The following TBC1D21 variants were observed in gnomAD, a reference collection of about 807,000 sequenced individuals.
The protein encoded by TBC1D21 is male germ cell Rab GTPase-activating protein.
Under a neutral mutation model 46.0 loss-of-function variants are expected in TBC1D21, and 38 were observed. That is an observed-to-expected ratio of 0.83 (90% CI 0.64 to 1.08). The LOEUF (loss-of-function observed/expected upper bound fraction) is 1.08, where lower values mean the gene tolerates loss of function less well. Among genes scored for constraint, TBC1D21 ranks in the 50% least tolerant of loss-of-function variants. The pLI is 0.00. For missense variants in TBC1D21, 415 were observed against 417.9 expected, an observed-to-expected ratio of 0.99 and a Z score of 0.06; for synonymous variants, 151 against 157.2, an observed-to-expected ratio of 0.96 and a Z score of 0.29.
intron 6 of TBC1D21, 23 bp downstream of exon 6, chr15:73,885,126 G>A: frequency 6.2e-7 from 1 of 1,601,516 alleles, no homozygotes. Context: ...CCTGAGCTCA[G>A]GGACGCCCCT....
the TBC1D21 span, chr15:73,908,394 C>T: frequency 1.3e-5 from 2 of 152,338 alleles, no homozygotes; most frequent in African/African-American, 4.8e-5. Flanking sequence ...GCGCACGTAG[C>T]CCGCCAGTCC....
chr15:73,907,314 C>A, the TBC1D21 span, among the ~76,000 whole-genome samples: 1 of 152,194 alleles, frequency 6.6e-6, no homozygotes, highest in African/African-American at 2.4e-5. Flanking sequence ...GCTGCTGCTC[C>A]TGATACTTCA....
the TBC1D21 span, among the ~76,000 whole-genome samples, chr15:73,898,589 C>A: frequency 6.6e-6 from 1 of 151,828 alleles, no homozygotes; most frequent in African/African-American, 2.4e-5. Flanking sequence ...GTGGGCTGGG[C>A]ACGGTGGCTC....
chr15:73,894,871 G>T, the TBC1D21 span, among the ~76,000 whole-genome samples: 1 of 152,228 alleles, frequency 6.6e-6, no homozygotes, highest in Non-Finnish European at 1.5e-5. Flanking sequence ...AGAGGGAAAA[G>T]GACTTATTTC....
downstream of TBC1D21, among the ~76,000 whole-genome samples, chr15:73,892,342 G>A (rs1483035015): frequency 6.6e-6 from 1 of 152,230 alleles, no homozygotes; most frequent in Non-Finnish European, 1.5e-5. Context: ...AAAGAGGGCT[G>A]AAACCCACCC....
chr15:73,893,119 G>T (rs971168736), downstream of TBC1D21, among the ~76,000 whole-genome samples: 1 of 152,130 alleles, frequency 6.6e-6, no homozygotes, highest in Non-Finnish European at 1.5e-5. Context: ...AACAAAAACT[G>T]ACTGTCTCTA....
At chr15:73,906,867 G>A in the TBC1D21 span, among the ~76,000 whole-genome samples, 1 of 152,186 alleles carries the variant, frequency 6.6e-6, no homozygotes, top group Non-Finnish European at 1.5e-5. Context: ...CTCATTCACC[G>A]ATGTCATGTG....
At chr15:73,888,567 C>CTCCTCCTCCTCCTCT (rs1347698340) in intron 10 of TBC1D21, 54 bp downstream of exon 10, 2 of 987,088 alleles carry the variant, frequency 2.0e-6, no homozygotes, top group African/African-American at 2.5e-5. Context: ...CCTCCTCTTC[C>CTCCTCCTCCTCCTCT]TCCTCCTCCT....
chr15:73,893,945 T>C (rs2068356630), downstream of TBC1D21, among the ~76,000 whole-genome samples: 1 of 152,168 alleles, frequency 6.6e-6, no homozygotes, highest in South Asian at 2.1e-4. Context: ...ATTGGGTAAT[T>C]AATATGTTCC....
chr15:73,888,892 C>T (rs1463061463), intron 10 of TBC1D21, among the ~76,000 whole-genome samples, 177 bp from the exon 11 acceptor site: 2 of 152,214 alleles, frequency 1.3e-5, no homozygotes, highest in African/African-American at 4.8e-5. Flanking sequence ...ACATGTAGCT[C>T]CTTCCTCCCT....
At chr15:73,897,104 G>A in the TBC1D21 span, among the ~76,000 whole-genome samples, 8 of 152,140 alleles carry the variant, frequency 5.3e-5, no homozygotes, top group Admixed American at 1.3e-4. Flanking sequence ...CATCTTGGTC[G>A]CCGCACTGAA....
the TBC1D21 span, among the ~76,000 whole-genome samples, chr15:73,896,890 G>A: frequency 6.6e-6 from 1 of 152,218 alleles, no homozygotes; most frequent in Non-Finnish European, 1.5e-5. Flanking sequence ...ATGCCCCATG[G>A]CTGACTAGTG....
At chr15:73,888,844 C>A (rs1054208355) in intron 10 of TBC1D21, among the ~76,000 whole-genome samples, 7 of 152,080 alleles carry the variant, frequency 4.6e-5, no homozygotes, top group African/African-American at 1.7e-4. Context: ...TACCACTGAC[C>A]CATGCATGTT....
intron 3 of TBC1D21, among the ~76,000 whole-genome samples, chr15:73,882,120 G>A (rs2068166797): frequency 6.6e-6 from 1 of 152,050 alleles, no homozygotes; most frequent in Admixed American, 6.5e-5. Context: ...TGCCCCCCAT[G>A]GCTGAGCTGC....
At chr15:73,898,707 C>T in the TBC1D21 span, among the ~76,000 whole-genome samples, 2 of 150,682 alleles carry the variant, frequency 1.3e-5, no homozygotes, top group South Asian at 4.2e-4. Context: ...GTACTAAAAA[C>T]ACAAAAATTA....
intron 2 of TBC1D21, 38 bp from the exon 3 acceptor site, chr15:73,881,606 A>G (rs1458084208): frequency 6.2e-7 from 1 of 1,605,440 alleles, no homozygotes; most frequent in South Asian, 1.1e-5. Flanking sequence ...GTAGGCATCG[A>G]TAGAGCCCAT....
In TBC1D21 at chr15:73,889,197, A is replaced by C; in HGVS notation, c.*96A>C. 1.3e-5 allele frequency: 17 copies of C among 1,343,878 alleles called. No individual in the cohort carries two copies. The highest frequency in any genetic ancestry group is 1.5e-5 in the Non-Finnish European group (14 of 954,646). The allele number at this position is 1,343,878 out of a possible 1,614,324, so 83.2% of individuals were successfully genotyped here. A position where few individuals can be genotyped will look rare whatever the true frequency, so the allele number is the denominator to read the frequency against. ...GAGTAGATAAAACAGCTGCAATATA[A>C]ACAGTCCTCTGGAATAATGGTTTGT... On this transcript the variant is annotated 3_prime_UTR_variant, in exon 11 of 11. Transcript: ENST00000300504.
chr15:73,881,811 C>T, intron 3 of TBC1D21, 64 bp downstream of exon 3: 8 of 1,414,852 alleles, frequency 5.7e-6, no homozygotes, highest in South Asian at 1.2e-5. Flanking sequence ...GCTGCCTCCC[C>T]AGCCTGCAGA....
chr15:73,905,610 G>A, the TBC1D21 span, among the ~76,000 whole-genome samples: 2 of 152,208 alleles, frequency 1.3e-5, no homozygotes, highest in Non-Finnish European at 2.9e-5. Flanking sequence ...ATTGGCTGTG[G>A]TGGGAGTATT....
Sources: allele counts gnomAD v4.1 joint callset (sites outside exome capture counted in the v4.1 genomes callset), GRCh38; gene constraint gnomAD v4.1.1; transcripts MANE v1.5; gene names NCBI Gene and HGNC (gene_info 2026-07-23, HGNC 2026-07-21).